PBRM1: variants seen among roughly 807,000 people sequenced by gnomAD.
PBRM1 encodes polybromo 1, also known as protein polybromo-1.
A neutral mutation model predicts 194.5 loss-of-function variants in PBRM1; 27 were observed. The observed-to-expected ratio is 0.14, with a 90% CI of 0.10 to 0.19. PBRM1 has a LOEUF of 0.19. PBRM1 is among the 10% of genes least tolerant of loss of function. PBRM1 has a pLI of 1.00. For synonymous variants in PBRM1, 655 were observed against 693.2 expected (o/e 0.94, Z 0.87); for missense variants, 1,466 against 2,077.2 (o/e 0.71, Z 5.72).
intron 22 of PBRM1, among the ~76,000 whole-genome samples, chr3:52,574,234 G>A (rs2088564312): frequency 6.6e-6 from 1 of 152,208 alleles, no homozygotes; most frequent in Non-Finnish European, 1.5e-5. Context: ...AAGGCAGAGG[G>A]CAAGAGTGTA....
chr3:52,597,515 T>C (rs1267100945), intron 17 of PBRM1, among the ~76,000 whole-genome samples: 1 of 152,204 alleles, frequency 6.6e-6, no homozygotes, highest in Non-Finnish European at 1.5e-5. Flanking sequence ...TCTTGAGAAT[T>C]TTATACCAGC....
chr3:52,560,627 T>C (rs1019182425), intron 25 of PBRM1: 2 of 152,210 alleles, frequency 1.3e-5, no homozygotes, highest in South Asian at 2.1e-4. Flanking sequence ...GAGGAGGCCC[T>C]TGGGCCTGAC....
intron 2 of PBRM1, among the ~76,000 whole-genome samples, chr3:52,677,833 G>C (rs2097139320): frequency 6.6e-6 from 1 of 152,056 alleles, no homozygotes; most frequent in African/African-American, 2.4e-5. Context: ...AAAGTGGTGG[G>C]ATTACAGGCG....
chr3:52,561,096 C>G (rs1461353068), intron 25 of PBRM1, among the ~76,000 whole-genome samples: 1 of 151,654 alleles, frequency 6.6e-6, no homozygotes, highest in Non-Finnish European at 1.5e-5. Context: ...TAAAAAAAAC[C>G]CACAAAAACA....
At chr3:52,658,446 G>A in intron 4 of PBRM1, 131 bp from the exon 6 acceptor site, 2 of 501,534 alleles carry the variant, frequency 4.0e-6, no homozygotes, top group Non-Finnish European at 3.6e-6. Context: ...AGAGGCTGGA[G>A]TACAGTGGCA....
chr3:52,662,108 T>C (rs2096737127), intron 4 of PBRM1, 25 bp downstream of exon 5: 2 of 1,611,094 alleles, frequency 1.2e-6, no homozygotes, highest in South Asian at 1.1e-5. Context: ...AGCCCATCCA[T>C]CACAAGTTCC....
intron 22 of PBRM1, among the ~76,000 whole-genome samples, chr3:52,573,717 TA>T (rs2088340534): frequency 6.6e-6 from 1 of 152,202 alleles, no homozygotes; most frequent in South Asian, 2.1e-4. Context: ...AAAAGCAGAA[TA>T]AACTTTATTG....
intron 3 of PBRM1, among the ~76,000 whole-genome samples, chr3:52,664,735 AAAAAAAAAAG>A (rs2096796983): frequency 1.3e-5 from 2 of 149,814 alleles, no homozygotes; most frequent in African/African-American, 2.4e-5. Flanking sequence ...CTCTATCACA[AAAAAAAAAAG>A]AAAAAAAAAG....
intron 22 of PBRM1, among the ~76,000 whole-genome samples, chr3:52,569,452 C>T (rs758263150): frequency 8.5e-5 from 13 of 152,120 alleles, no homozygotes; most frequent in East Asian, 1.9e-4. Context: ...CCTCGTGATC[C>T]GCCCGCCTTG....
chr3:52,575,018 C>A (rs2088978097), intron 22 of PBRM1, among the ~76,000 whole-genome samples: 1 of 152,146 alleles, frequency 6.6e-6, no homozygotes, highest in Non-Finnish European at 1.5e-5. Flanking sequence ...CCTACCACCT[C>A]AGCCTCCTGA....
At chr3:52,672,526 CT>C (rs2096972402) in intron 2 of PBRM1, among the ~76,000 whole-genome samples, 2 of 121,002 alleles carry the variant, frequency 1.7e-5, no homozygotes, top group African/African-American at 6.1e-5. Flanking sequence ...CAGAGTTTCA[CT>C]CTTGTTGCCC....
chr3:52,627,553 A>G (rs1368965194), intron 12 of PBRM1, among the ~76,000 whole-genome samples, 183 bp from the exon 14 acceptor site: 1 of 152,230 alleles, frequency 6.6e-6, no homozygotes, highest in Admixed American at 6.5e-5. Flanking sequence ...TGCATGACAA[A>G]AAGAGTAGGT....
intron 2 of PBRM1, among the ~76,000 whole-genome samples, chr3:52,670,193 C>T (rs768755860): frequency 6.6e-6 from 1 of 152,194 alleles, no homozygotes; most frequent in Non-Finnish European, 1.5e-5. Flanking sequence ...AGAATCACTG[C>T]TACAAGGTTC....
chr3:52,560,022 TGA>T (rs2083125770), intron 25 of PBRM1, among the ~76,000 whole-genome samples: 1 of 152,058 alleles, frequency 6.6e-6, no homozygotes, highest in Non-Finnish European at 1.5e-5. Context: ...TTGAATTCAA[TGA>T]GAGAAAACAT....
rs143713524 is a variant in PBRM1 at position 52,584,128 on chromosome 3, A to G, written c.3387+2297T>C. Among the ~76,000 whole-genome samples the G allele has an allele frequency of 2.4e-3, 364 of 152,306 alleles. 2 individuals are homozygous for G. The highest frequency in any genetic ancestry group is 8.1e-3 in the African/African-American group (336 of 41,570). ...ATTTATTCTTAATAAGAATGCTAGA[A>G]TAATTTTGTCAAGTTTCAAAAACAA... On this transcript the variant is annotated intron_variant, in intron 20 of 29. Coordinates refer to ENST00000296302, the Ensembl canonical transcript of PBRM1.
intron 14 of PBRM1, 79 bp downstream of exon 16, chr3:52,617,183 G>C (rs566851405): frequency 9.0e-7 from 1 of 1,110,578 alleles, no homozygotes; most frequent in South Asian, 1.6e-5. Context: ...CTCTAGAGCT[G>C]GTCTCTCAAA....
chr3:52,585,917 C>T (rs2153749675), intron 20 of PBRM1: 1 of 152,066 alleles, frequency 6.6e-6, no homozygotes, highest in South Asian at 2.1e-4. Flanking sequence ...AAATAATTAG[C>T]TCTTAGATTT....
rs144046085 is a variant in PBRM1 at position 52,664,824 on chromosome 3, T to C, written c.385-2548A>G. 3.3e-4 allele frequency among the ~76,000 whole-genome samples: 50 copies of C among 151,172 alleles called. No homozygotes were observed. In the East Asian group the frequency reaches 9.3e-3, roughly 28 times the overall value. ...ATGGAGACCTGTGGGAAGTCTAATATGACACCCAATCAGAGTTACTACAAG... is the reference window on the plus strand; with the variant it reads ...ATGGAGACCTGTGGGAAGTCTAATACGACACCCAATCAGAGTTACTACAAG... On this transcript the variant is annotated intron_variant, in intron 3 of 29. Coordinates refer to ENST00000296302, the Ensembl canonical transcript of PBRM1.
intron 22 of PBRM1, among the ~76,000 whole-genome samples, chr3:52,573,599 T>C (rs2088264175): frequency 6.6e-6 from 1 of 152,196 alleles, no homozygotes; most frequent in African/African-American, 2.4e-5. Context: ...CCGGCCAGAA[T>C]GTAACACATT....
Sources: allele counts gnomAD v4.1 joint callset (sites outside exome capture counted in the v4.1 genomes callset), GRCh38; gene constraint gnomAD v4.1.1; transcripts MANE v1.5; gene names NCBI Gene and HGNC (gene_info 2026-07-23, HGNC 2026-07-21).